Variants in CEP164 observed in about 807,000 individuals in gnomAD.
CEP164 encodes the protein centrosomal protein 164, also known as centrosomal protein of 164 kDa.
A neutral mutation model predicts 182.7 loss-of-function variants in CEP164; 162 were observed. The observed-to-expected ratio is 0.89, with a 90% CI of 0.78 to 1.01. The LOEUF (loss-of-function observed/expected upper bound fraction) is 1.01. Ranked by LOEUF, CEP164 falls within the 50% of genes least tolerant of loss-of-function variation. CEP164 has a pLI of 0.00. For missense variants in CEP164, 1,735 were observed against 1,790.4 expected, an observed-to-expected ratio of 0.97 and a Z score of 0.56; for synonymous variants, 661 against 690.0, an observed-to-expected ratio of 0.96 and a Z score of 0.66.
chr11:117,331,824 G>A (rs1341383755), intron 1 of CEP164, among the ~76,000 whole-genome samples: 1 of 150,526 alleles, frequency 6.6e-6, no homozygotes, highest in Non-Finnish European at 1.5e-5. Context: ...ATAGCTCACT[G>A]CAGCCTCGAA....
chr11:117,409,177 A>T lies in CEP164; in HGVS notation c.3748+149A>T. The T allele has an allele frequency of 1.9e-6, 2 of 1,060,254 alleles. No individual in the cohort carries two copies. The highest frequency in any genetic ancestry group is 2.7e-6 in the Non-Finnish European group (2 of 740,892). The allele number at this position is 1,060,254 out of a possible 1,614,324, so 65.7% of individuals were successfully genotyped here. A position where few individuals can be genotyped will look rare whatever the true frequency, so the allele number is the denominator to read the frequency against. ...ACTAGGTGCTCGGTCAGTGCTGGGAAGGAATCACACCATCTAGGTTTGCCA... is the reference window on the plus strand; with the variant it reads ...ACTAGGTGCTCGGTCAGTGCTGGGATGGAATCACACCATCTAGGTTTGCCA... On this transcript the variant is annotated intron_variant, in intron 29 of 32. Transcript: ENST00000278935. This position sits in a 1 kb window ranked among gnomAD's most constrained non-coding sequence, Gnocchi z 4.4.
At chr11:117,408,054 G>A in intron 28 of CEP164, 22 bp downstream of exon 28, 1 of 1,515,776 alleles carries the variant, frequency 6.6e-7, no homozygotes, top group Non-Finnish European at 9.0e-7. Flanking sequence ...TGTCCACATA[G>A]TCCAGTGGGC....
rs1299918963 is a variant in CEP164 at position 117,387,377 on chromosome 11, C to G, written c.1899C>G (p.Ile633Met). ...TGTGCCAAGAGGAGGAAGAGGAGATCCTCCGGCTTCACCAGCAGAAAGAGC... is the reference window on the plus strand; with the variant it reads ...TGTGCCAAGAGGAGGAAGAGGAGATGCTCCGGCTTCACCAGCAGAAAGAGC... ...EKLCQEEEEE[I>M]LRLHQQKEQS... is the part of the protein sequence containing the mutation. Residue 633 changes from isoleucine (I) to methionine (M), a missense_variant, in exon 15 of 33, where the codon ATC (isoleucine) becomes ATG (methionine). By Grantham distance (10) the Ile-to-Met change is conservative. Transcript: ENST00000278935. 3 of 1,614,138 alleles carry G rather than the reference C, an allele frequency of 1.9e-6. No individual in the cohort carries two copies. The highest frequency in any genetic ancestry group is 2.5e-6 in the Non-Finnish European group (3 of 1,180,036).
intron 4 of CEP164, 118 bp from the exon 5 acceptor site, chr11:117,351,672 C>A: frequency 1.1e-6 from 1 of 873,258 alleles, no homozygotes; most frequent in Non-Finnish European, 1.8e-6. Context: ...CCTCCCTTTT[C>A]CACCCCACTC....
intron 23 of CEP164, 133 bp from the exon 24 acceptor site, chr11:117,395,414 G>A (rs1215644419): frequency 1.8e-6 from 2 of 1,097,198 alleles, no homozygotes; most frequent in African/African-American, 3.2e-5. Flanking sequence ...TGACCTCAGA[G>A]GTGGTGACTT....
chr11:117,392,147 C>T (rs543737701), intron 17 of CEP164, 79 bp from the exon 18 acceptor site: 55 of 1,298,432 alleles, frequency 4.2e-5, no homozygotes, highest in South Asian at 3.9e-4. Flanking sequence ...GCTTGGGGGT[C>T]GGTAGTCTTC....
At chr11:117,334,465 T>A (rs1173637174) in intron 1 of CEP164, among the ~76,000 whole-genome samples, 2 of 152,228 alleles carry the variant, frequency 1.3e-5, no homozygotes, top group African/African-American at 4.8e-5. Context: ...GAATTCAGAT[T>A]TCCCAGAGTT....
intron 17 of CEP164, 85 bp downstream of exon 17, chr11:117,391,300 C>A: frequency 1.5e-6 from 2 of 1,309,620 alleles, no homozygotes; most frequent in Non-Finnish European, 2.1e-6. Flanking sequence ...AGAAGAAGGG[C>A]AAGTCTCGGG....
chr11:117,341,192 T>C (rs1271837550), intron 3 of CEP164, among the ~76,000 whole-genome samples: 2 of 152,202 alleles, frequency 1.3e-5, no homozygotes, highest in African/African-American at 4.8e-5. Flanking sequence ...CAAAGGTTTT[T>C]CTAAGGATGT....
chr11:117,329,566 G>C (rs2035863250), intron 1 of CEP164, among the ~76,000 whole-genome samples: 1 of 152,078 alleles, frequency 6.6e-6, no homozygotes, highest in Admixed American at 6.6e-5. Flanking sequence ...TTTTGAAATA[G>C]AGTCTTGCTC....
rs1478526227 is a variant in CEP164 at position 117,407,912 on chromosome 11, T to C, written c.3502-13T>C. On this transcript the variant is annotated splice_polypyrimidine_tract_variant and intron_variant, in intron 27 of 32. Transcript: ENST00000278935. ...GGGTAGTCATTTCTCCTCTGTTTTC[T>C]CCTTGGCTGCAGGAGACCAGGCACC... The C allele has an allele frequency of 2.5e-6, 4 of 1,571,666 alleles. No individual in the cohort carries two copies. Among genetic ancestry groups the C allele is most frequent in the Non-Finnish European group, 3.5e-6 (4 of 1,157,260 alleles).
At chr11:117,336,432 C>T (rs1216799178) in intron 2 of CEP164, 2 of 1,392,726 alleles carry the variant, frequency 1.4e-6, no homozygotes, top group African/African-American at 1.4e-5. Context: ...ATCCTGGATA[C>T]CCTGGCTGTG....
intron 11 of CEP164, among the ~76,000 whole-genome samples, chr11:117,379,375 G>A (rs1416417546): frequency 6.6e-6 from 1 of 152,176 alleles, no homozygotes; most frequent in African/African-American, 2.4e-5. Flanking sequence ...CACAGGGCTG[G>A]GGACCCTACT....
chr11:117,351,961 G>T lies in CEP164; in HGVS notation c.366G>T (p.Lys122Asn), dbSNP rs1360798697. ...KKKKKEKKDK[K>N]DRDPPKSSLA... Reference sequence around the variant, plus strand: ...AAAAAAAGGAAAAGAAAGACAAGAAGGACAGAGACCCCCCCAAAAGTTCGC... The same window carrying T: ...AAAAAAAGGAAAAGAAAGACAAGAATGACAGAGACCCCCCCAAAAGTTCGC... The change falls in exon 5 of 33, where the codon AAG becomes AAT. Residue 122 changes from lysine (K) to asparagine (N), a missense_variant. Transcript: ENST00000278935. 2 of 1,598,866 alleles carry T rather than the reference G, an allele frequency of 1.3e-6. No individual in the cohort carries two copies. The highest frequency in any genetic ancestry group is 1.7e-6 in the Non-Finnish European group (2 of 1,172,366).
intron 31 of CEP164, 71 bp downstream of exon 31, chr11:117,410,965 G>A (rs1272425207): frequency 3.5e-6 from 5 of 1,417,588 alleles, no homozygotes; most frequent in Non-Finnish European, 4.9e-6. Context: ...CCCTGGGCAG[G>A]TGGACCTCTG....
rs2045673915 is a variant in CEP164, at chr11:117,397,844, TGGTGG to T, written c.3501+534_3501+538del. On this transcript the variant is annotated intron_variant, in intron 27 of 32. Transcript: ENST00000278935. The stretch of plus-strand genomic sequence containing the variant: ...GGGAGTACAATTCAAGATGAGATTT[TGGTGG>T]GGACACAGAGCCAAACCATATCATT... 5.3e-5 allele frequency among the ~76,000 whole-genome samples: 8 copies of T among 152,290 alleles called. No individual in the cohort carries two copies. In the South Asian group the frequency reaches 1.5e-3, roughly 28 times the overall value.
At chr11:117,341,828 C>T (rs1039945318) in intron 3 of CEP164, among the ~76,000 whole-genome samples, 1 of 152,194 alleles carries the variant, frequency 6.6e-6, no homozygotes, top group African/African-American at 2.4e-5. Flanking sequence ...AATGCTCTTT[C>T]TCCAGTGCTC....
chr11:117,377,718 C>T (rs918862780), intron 11 of CEP164, among the ~76,000 whole-genome samples: 2 of 152,178 alleles, frequency 1.3e-5, no homozygotes, highest in Non-Finnish European at 1.5e-5. Context: ...ATTTGCAATG[C>T]AGCTTTATTG....
At chr11:117,392,333 T>C (rs773185075) in intron 18 of CEP164, 30 bp downstream of exon 18, 2 of 1,600,420 alleles carry the variant, frequency 1.2e-6, no homozygotes, top group South Asian at 1.1e-5. Context: ...GCCCCCTTCA[T>C]GGCTGATTAG....
Sources: allele counts gnomAD v4.1 joint callset (sites outside exome capture counted in the v4.1 genomes callset), GRCh38; gene constraint gnomAD v4.1.1; non-coding constraint Gnocchi (gnomAD v3.1); transcripts MANE v1.5; gene names NCBI Gene and HGNC (gene_info 2026-07-23, HGNC 2026-07-21).